Variants in CEP128 observed in about 807,000 individuals in gnomAD.
The protein encoded by CEP128 is centrosomal protein 128kDa.
A neutral mutation model predicts 156.7 loss-of-function variants in CEP128; 132 were observed. The ratio of observed to expected loss-of-function variants is 0.84; its 90% CI spans 0.73 to 0.97. The LOEUF (loss-of-function observed/expected upper bound fraction) is 0.97. CEP128 is among the 50% of genes least tolerant of loss of function. The pLI is 0.00. For synonymous variants in CEP128, 469 were observed against 448.9 expected, an observed-to-expected ratio of 1.04 and a Z score of -0.57; for missense variants, 1,252 against 1,281.9, an observed-to-expected ratio of 0.98 and a Z score of 0.36.
At chr14:80,514,044 C>T (rs1009977928) in intron 23 of CEP128, among the ~76,000 whole-genome samples, 2 of 152,180 alleles carry the variant, frequency 1.3e-5, no homozygotes, top group African/African-American at 4.8e-5. Flanking sequence ...CCTTGGTCTC[C>T]ACAATCTTTT....
intron 19 of CEP128, among the ~76,000 whole-genome samples, chr14:80,736,323 C>T (rs1336450586): frequency 4.0e-5 from 6 of 151,534 alleles, no homozygotes; most frequent in Non-Finnish European, 8.8e-5. Context: ...AACCTAAAAG[C>T]TCAAATCGAA....
chr14:80,862,768 G>C lies in CEP128; in HGVS notation c.751C>G (p.Gln251Glu). ...RQDQLGLMSL[Q>E]LQEALKKQEA... Reference sequence around the variant, plus strand: ...TGTTTTTCACAAACCTCCTGTAGCTGCAGGGACATGAGTCCCAGTTGATCC... The same window carrying C: ...TGTTTTTCACAAACCTCCTGTAGCTCCAGGGACATGAGTCCCAGTTGATCC... Residue 251 changes from glutamine (Q) to glutamate (E), a missense_variant, in exon 9 of 25, where the codon CAG (glutamine) becomes GAG (glutamate). By Grantham distance (29) the Gln-to-Glu change is conservative (BLOSUM62 2). Transcript: ENST00000555265. 1.3e-6 allele frequency: 2 copies of C among 1,595,738 alleles called. No individual in the cohort carries two copies. Among genetic ancestry groups the C allele is most frequent in the East Asian group, 4.5e-5 (2 of 44,790 alleles).
At chr14:80,512,732 A>T (rs1413406030) in intron 23 of CEP128, among the ~76,000 whole-genome samples, 1 of 151,712 alleles carries the variant, frequency 6.6e-6, no homozygotes, top group Non-Finnish European at 1.5e-5. Flanking sequence ...TTTTTTGTGT[A>T]TCCATTGTAG....
At chr14:80,503,352 A>G (rs559900841) in intron 24 of CEP128, among the ~76,000 whole-genome samples, 1 of 152,360 alleles carries the variant, frequency 6.6e-6, no homozygotes, top group Non-Finnish European at 1.5e-5. Flanking sequence ...TCTTAGAGAA[A>G]TGACCACAAT....
rs1886066190 is a variant in CEP128, at chr14:80,836,208, T to G, written c.1054A>C (p.Arg352=). Residue 352 remains arginine, a synonymous_variant, in exon 12 of 25, where the codon AGA becomes CGA. Coordinates refer to ENST00000555265, the MANE Select transcript of CEP128 (RefSeq NM_152446.5). ...DEQGEDWRFR[R]GVEREKQDLE... is the part of the protein sequence containing the mutation. ...TTAGGTACAAATCTACTTTTACCTC[T>G]CCTAAATCTCCAGTCCTCCCCTTGT... The G allele has an allele frequency of 1.9e-6, 3 of 1,613,848 alleles. No homozygotes were observed.
At chr14:80,879,997 C>T (rs1322812934) in intron 8 of CEP128, among the ~76,000 whole-genome samples, 1 of 152,156 alleles carries the variant, frequency 6.6e-6, no homozygotes, top group African/African-American at 2.4e-5. Context: ...AGGATTATCA[C>T]TTTGAAACCT....
chr14:80,892,288 C>T (rs1341166604), intron 8 of CEP128, among the ~76,000 whole-genome samples: 1 of 151,820 alleles, frequency 6.6e-6, no homozygotes, highest in East Asian at 1.9e-4. Flanking sequence ...TTGACAGGGG[C>T]ACCAATAGGA....
At chr14:80,924,287 CAA>C (rs2139548793) in intron 2 of CEP128, among the ~76,000 whole-genome samples, 1 of 152,302 alleles carries the variant, frequency 6.6e-6, no homozygotes, top group Admixed American at 6.5e-5. Context: ...TTCATCTCCT[CAA>C]AGTCTTTTGG....
chr14:80,703,178 A>G (rs985992757), intron 19 of CEP128, among the ~76,000 whole-genome samples: 7 of 152,120 alleles, frequency 4.6e-5, no homozygotes, highest in Non-Finnish European at 4.4e-5. Flanking sequence ...TGGAAAAATC[A>G]CTTAACCTTT....
At chr14:80,624,973 T>C (rs1255428404) in intron 19 of CEP128, among the ~76,000 whole-genome samples, 2 of 152,222 alleles carry the variant, frequency 1.3e-5, no homozygotes, top group African/African-American at 4.8e-5. Flanking sequence ...TTTGAAGTCT[T>C]ACCCAAGAAA....
At chr14:80,690,404 G>A (rs117821611) in intron 19 of CEP128, among the ~76,000 whole-genome samples, 8,491 of 146,016 alleles carry the variant, frequency 0.058, 321 homozygotes, top group Non-Finnish European at 0.078. Context: ...CAAAAACAGC[G>A]AAACTCCATC....
At chr14:80,782,899 AT>A (rs1234838614) in intron 15 of CEP128, among the ~76,000 whole-genome samples, 2 of 151,996 alleles carry the variant, frequency 1.3e-5, no homozygotes, top group African/African-American at 4.8e-5. Flanking sequence ...ATGGCCTTTT[AT>A]TTTTATTTGC....
intron 13 of CEP128, among the ~76,000 whole-genome samples, chr14:80,810,205 C>T (rs1884427891): frequency 6.6e-6 from 1 of 150,948 alleles, no homozygotes; most frequent in Non-Finnish European, 1.5e-5. Flanking sequence ...CGCCTGTAGT[C>T]CCAACCACTC....
At chr14:80,918,862 A>T (rs1884701476) in intron 2 of CEP128, among the ~76,000 whole-genome samples, 1 of 152,202 alleles carries the variant, frequency 6.6e-6, no homozygotes, top group South Asian at 2.1e-4. Context: ...TTTAATAAAA[A>T]GCCCTGAAAC....
intron 17 of CEP128, among the ~76,000 whole-genome samples, chr14:80,757,633 T>C (rs139121130): frequency 6.6e-6 from 1 of 152,352 alleles, no homozygotes; most frequent in East Asian, 1.9e-4. Context: ...AATTTGTACT[T>C]TTGTTGAACT....
intron 19 of CEP128, among the ~76,000 whole-genome samples, chr14:80,715,968 G>A (rs1268574627): frequency 6.6e-6 from 1 of 152,134 alleles, no homozygotes; most frequent in African/African-American, 2.4e-5. Flanking sequence ...ATCATCATCA[G>A]TAAAAAATAA....
chr14:80,790,119 A>G (rs1179638699), intron 14 of CEP128, among the ~76,000 whole-genome samples: 2 of 152,150 alleles, frequency 1.3e-5, no homozygotes, highest in African/African-American at 4.8e-5. Context: ...AAATACACAG[A>G]AGGAATAGAT....
chr14:80,638,220 G>A (rs1314861366), intron 19 of CEP128, among the ~76,000 whole-genome samples: 3 of 152,022 alleles, frequency 2.0e-5, no homozygotes, highest in African/African-American at 7.2e-5. Flanking sequence ...TGGCCAAATC[G>A]TATAGTTCCT....
intron 21 of CEP128, among the ~76,000 whole-genome samples, chr14:80,531,766 A>C (rs1441452740): frequency 6.6e-6 from 1 of 152,156 alleles, no homozygotes; most frequent in Non-Finnish European, 1.5e-5. Context: ...CCTAGACATA[A>C]ATTTGCACAA....
Sources: allele counts gnomAD v4.1 joint callset (sites outside exome capture counted in the v4.1 genomes callset), GRCh38; gene constraint gnomAD v4.1.1; transcripts MANE v1.5; gene names NCBI Gene and HGNC (gene_info 2026-07-23, HGNC 2026-07-21).